Variants in NRXN2 observed in about 807,000 individuals in gnomAD.
NRXN2 encodes the protein neurexin-2-beta.
A neutral mutation model predicts 128.8 loss-of-function variants in NRXN2; 29 were observed. That is an observed-to-expected ratio of 0.23 (90% confidence interval 0.17 to 0.31). The LOEUF (loss-of-function observed/expected upper bound fraction) is 0.31. NRXN2 is among the 10% of genes least tolerant of loss of function. The pLI is 1.00. For missense variants in NRXN2, 1,881 were observed against 2,452.6 expected (o/e 0.77, Z 4.92); for synonymous variants, 1,098 against 1,075.2 (o/e 1.02, Z -0.41).
intron 22 of NRXN2, among the ~76,000 whole-genome samples, chr11:64,615,652 T>A (rs1488546535): frequency 6.6e-6 from 1 of 152,196 alleles, no homozygotes; most frequent in Non-Finnish European, 1.5e-5. Flanking sequence ...TAAACAACTG[T>A]GTGTACTTAC....
intron 2 of NRXN2, among the ~76,000 whole-genome samples, chr11:64,706,680 A>G (rs2056366475): frequency 1.3e-5 from 2 of 152,278 alleles, no homozygotes; most frequent in South Asian, 4.1e-4. Flanking sequence ...TGCCCTCTAC[A>G]GATATGATGT....
intron 2 of NRXN2, among the ~76,000 whole-genome samples, chr11:64,701,808 C>A (rs955777275): frequency 1.3e-5 from 2 of 151,994 alleles, no homozygotes; most frequent in Non-Finnish European, 2.9e-5. Flanking sequence ...GCCAGCCGCC[C>A]CGTCCGGCAG....
chr11:64,653,820 G>A (rs2047858767), intron 11 of NRXN2, 98 bp from the exon 12 acceptor site: 3 of 935,158 alleles, frequency 3.2e-6, no homozygotes, highest in Non-Finnish European at 4.9e-6. Context: ...GGTGTCTGCG[G>A]GCGGGGTTCC....
In NRXN2 at chr11:64,692,844, T is replaced by A; in HGVS notation, c.778+3A>T. ...CAAACCAAACCAAAACTTCAAACCATACCTTCGCTGTTTAACGTCAGGTGA... is the reference window on the plus strand; with the variant it reads ...CAAACCAAACCAAAACTTCAAACCAAACCTTCGCTGTTTAACGTCAGGTGA... On this transcript the variant is annotated splice_donor_region_variant and intron_variant, in intron 4 of 22. Transcript: ENST00000265459. 1 of 1,611,988 alleles carries A rather than the reference T, an allele frequency of 6.2e-7. No homozygotes were observed. Among genetic ancestry groups the A allele is most frequent in the Non-Finnish European group, 8.5e-7 (1 of 1,179,666 alleles).
At chr11:64,614,440 C>T (rs1020211297) in intron 22 of NRXN2, among the ~76,000 whole-genome samples, 1 of 152,206 alleles carries the variant, frequency 6.6e-6, no homozygotes, top group Non-Finnish European at 1.5e-5. Context: ...TATCATGCTA[C>T]AGCACCCCCA....
chr11:64,645,253 C>T (rs3016759), intron 17 of NRXN2, among the ~76,000 whole-genome samples: 9,801 of 151,138 alleles, frequency 0.065, 1,085 homozygotes, highest in African/African-American at 0.23. Context: ...GAGCCGGTGG[C>T]GAGAGGAAAG....
At chr11:64,694,295 G>C (rs1186473143) in intron 3 of NRXN2, among the ~76,000 whole-genome samples, 1 of 152,232 alleles carries the variant, frequency 6.6e-6, no homozygotes, top group Non-Finnish European at 1.5e-5. Flanking sequence ...CCACTGCTGT[G>C]GCAATGAGAT....
intron 12 of NRXN2, 41 bp downstream of exon 12, chr11:64,653,655 G>A: frequency 6.3e-7 from 1 of 1,576,260 alleles, no homozygotes; most frequent in Non-Finnish European, 8.6e-7. Flanking sequence ...CAGCATCCCA[G>A]TCCCCTTGGG....
chr11:64,676,114 G>C (rs541536615), intron 7 of NRXN2: 1 of 152,614 alleles, frequency 6.6e-6, no homozygotes, highest in Non-Finnish European at 1.5e-5. Flanking sequence ...GAGGCCATGC[G>C]GGGCAGGCAG....
chr11:64,713,626 C>A lies in NRXN2; in HGVS notation c.74G>T (p.Arg25Leu), dbSNP rs1295935415. Residue 25 changes from arginine (R) to leucine (L), a missense_variant, in exon 2 of 23, where the codon CGC becomes CTC. Arg to Leu is a moderately radical substitution (Grantham distance 102). Coordinates refer to ENST00000265459, the MANE Select transcript of NRXN2 (RefSeq NM_015080.4). ...GCCGCCGAACTCCAGGCCGTCCGCG[C>A]GCGCCGCCAGCGCCAGCAGCAGCAG... ...LLLLLLALAA[R>L]ADGLEFGGGP... 1.2e-4 allele frequency: 154 copies of A among 1,257,008 alleles called. 3 individuals are homozygous for A. In the East Asian group the frequency reaches 5.3e-3, roughly 43 times the overall value. The allele number at this position is 1,257,008 out of a possible 1,614,324, so 77.9% of individuals were successfully genotyped here.
At chr11:64,676,825 G>A (rs1053063278) in intron 7 of NRXN2, 168 bp downstream of exon 7, 3 of 643,762 alleles carry the variant, frequency 4.7e-6, no homozygotes, top group Middle Eastern at 2.5e-4. Flanking sequence ...GGGAAAGAGG[G>A]AAACTAAAAG....
At chr11:64,678,043 G>A (rs187946951) in intron 6 of NRXN2, among the ~76,000 whole-genome samples, 1 of 152,292 alleles carries the variant, frequency 6.6e-6, no homozygotes, top group Admixed American at 6.5e-5. Context: ...CCTGGGGATG[G>A]AGAACACGCA....
chr11:64,716,892 G>A (rs917908093), intron 1 of NRXN2, among the ~76,000 whole-genome samples: 7 of 152,026 alleles, frequency 4.6e-5, no homozygotes, highest in Admixed American at 6.5e-5. Flanking sequence ...CCATTCCCCC[G>A]CCCAGTGTCC....
At chr11:64,612,284 A>T (rs186827489) in intron 22 of NRXN2, among the ~76,000 whole-genome samples, 6 of 149,368 alleles carry the variant, frequency 4.0e-5, no homozygotes, top group Admixed American at 4.0e-4. Context: ...GTGGGTGCAG[A>T]CTCACAATGA....
chr11:64,664,829 A>G (rs547671953), intron 9 of NRXN2, among the ~76,000 whole-genome samples: 2 of 151,784 alleles, frequency 1.3e-5, no homozygotes, highest in African/African-American at 4.8e-5. Flanking sequence ...GTCTCCACTA[A>G]AAATACAAAA....
At chr11:64,663,671 G>C (rs775620299) in intron 9 of NRXN2, among the ~76,000 whole-genome samples, 1 of 152,162 alleles carries the variant, frequency 6.6e-6, no homozygotes, top group Admixed American at 6.5e-5. Flanking sequence ...GTTGGAGAAG[G>C]AAGAGAGAGA....
chr11:64,615,437 C>T (rs987484022), intron 22 of NRXN2, among the ~76,000 whole-genome samples: 3 of 152,238 alleles, frequency 2.0e-5, no homozygotes, highest in Non-Finnish European at 2.9e-5. Flanking sequence ...TGTGGTTCTA[C>T]GGGTCTCGGC....
Position 64,668,499 on chromosome 11 carries a change from T to G in NRXN2, c.1303A>C (p.Thr435Pro). 6.2e-7 allele frequency: 1 copy of G among 1,613,902 alleles called. No individual in the cohort carries two copies. The highest frequency in any genetic ancestry group is 8.5e-7 in the Non-Finnish European group (1 of 1,179,946). Residue 435 changes from threonine (T) to proline (P), a missense_variant, in exon 8 of 23, where the codon ACA becomes CCA. Physicochemically the swap from Thr to Pro is conservative, Grantham distance 38. This residue lies in a region of NRXN2 where 997 missense variants were observed against 1,240.8 expected (regional missense o/e 0.80). Coordinates refer to ENST00000265459, the MANE Select transcript of NRXN2 (RefSeq NM_015080.4). Reference protein sequence around the residue: ...DFFYIGGSPNTADLPGSPVSN... With the variant: ...DFFYIGGSPNPADLPGSPVSN... ...ACGGGCGAGCCCGGCAGGTCAGCTGTGTTGGGGCTGCCCCCAATGTAGAAG... is the reference window on the plus strand; with the variant it reads ...ACGGGCGAGCCCGGCAGGTCAGCTGGGTTGGGGCTGCCCCCAATGTAGAAG...
At chr11:64,673,421 C>T (rs1309236459) in intron 7 of NRXN2, among the ~76,000 whole-genome samples, 2 of 152,166 alleles carry the variant, frequency 1.3e-5, no homozygotes, top group African/African-American at 4.8e-5. Flanking sequence ...AAATTGGAAA[C>T]TAACCAAAAC....
Sources: gnomAD v4.1 joint callset for allele counts (sites outside exome capture counted in the v4.1 genomes callset) on GRCh38, gnomAD v4.1.1 for gene constraint, gnomAD v4.1.1 regional missense constraint, MANE v1.5 for transcripts, NCBI Gene and HGNC (gene_info 2026-07-23, HGNC 2026-07-21) for gene names.